AOPEP: variants seen among roughly 807,000 people sequenced by gnomAD.
AOPEP encodes the protein aminopeptidase O (putative), also known as aminopeptidase O.
A neutral mutation model predicts 98.1 loss-of-function variants in AOPEP; 77 were observed. That is an observed-to-expected ratio of 0.78 (90% CI 0.65 to 0.95). The LOEUF is 0.95. Ranked by LOEUF, AOPEP falls within the 40% of genes least tolerant of loss-of-function variation. AOPEP has a pLI of 0.00. For missense variants in AOPEP, 1,024 were observed against 1,024.7 expected, an observed-to-expected ratio of 1.00 and a Z score of 0.01; for synonymous variants, 346 against 365.3, an observed-to-expected ratio of 0.95 and a Z score of 0.60.
the AOPEP span, among the ~76,000 whole-genome samples, chr9:95,146,268 C>T: frequency 1.3e-5 from 2 of 151,948 alleles, no homozygotes; most frequent in African/African-American, 4.8e-5. Flanking sequence ...AGGCAGACTC[C>T]TTGAGCCCAG....
At chr9:94,796,248 A>G (rs768327347) in intron 4 of AOPEP, among the ~76,000 whole-genome samples, 9 of 151,274 alleles carry the variant, frequency 5.9e-5, no homozygotes, top group East Asian at 1.9e-4. Flanking sequence ...TCCATGTCCA[A>G]TAAACTGTGA....
intron 4 of AOPEP, among the ~76,000 whole-genome samples, chr9:94,795,335 G>A (rs1160113721): frequency 6.6e-6 from 1 of 152,032 alleles, no homozygotes. Flanking sequence ...TGACTGGAGT[G>A]TGTTGTGTTG....
chr9:94,737,287 T>C (rs1832000955), intron 1 of AOPEP, among the ~76,000 whole-genome samples: 1 of 152,222 alleles, frequency 6.6e-6, no homozygotes, highest in Non-Finnish European at 1.5e-5. Context: ...AAATTTTTCT[T>C]TTGTAGAGAT....
chr9:94,949,793 G>T (rs1429312873), intron 7 of AOPEP, among the ~76,000 whole-genome samples: 3 of 152,240 alleles, frequency 2.0e-5, no homozygotes, highest in African/African-American at 7.2e-5. Context: ...ACAGTGGATA[G>T]AGAATTCCTG....
At chr9:94,786,296 G>A (rs2133290479) in intron 3 of AOPEP, among the ~76,000 whole-genome samples, 1 of 152,352 alleles carries the variant, frequency 6.6e-6, no homozygotes, top group East Asian at 1.9e-4. Flanking sequence ...GGAAACTGAT[G>A]CATTAGAGAA....
the AOPEP span, among the ~76,000 whole-genome samples, chr9:95,131,695 C>T: frequency 3.3e-5 from 5 of 151,998 alleles, no homozygotes; most frequent in Non-Finnish European, 7.4e-5. Context: ...AAGGAAGTGC[C>T]GAAAAGACTG....
intron 5 of AOPEP, among the ~76,000 whole-genome samples, chr9:94,912,725 G>A (rs750513441): frequency 2.0e-5 from 3 of 152,214 alleles, no homozygotes; most frequent in South Asian, 2.1e-4. Context: ...GAAAGGGATC[G>A]TTGTTGCTGG....
intron 1 of AOPEP, among the ~76,000 whole-genome samples, chr9:94,753,908 T>A (rs958292672): frequency 6.6e-6 from 1 of 152,228 alleles, no homozygotes; most frequent in African/African-American, 2.4e-5. Flanking sequence ...TACTTGCATG[T>A]GTGCAGCTAG....
chr9:95,041,176 A>ACTT (rs2065257749), intron 13 of AOPEP, among the ~76,000 whole-genome samples: 1 of 152,208 alleles, frequency 6.6e-6, no homozygotes, highest in Admixed American at 6.5e-5. Context: ...TCAAACCAAA[A>ACTT]GGCTCTGTGC....
the AOPEP span, among the ~76,000 whole-genome samples, chr9:95,094,644 T>C: frequency 6.6e-6 from 1 of 152,232 alleles, no homozygotes; most frequent in Admixed American, 6.5e-5. Flanking sequence ...CTCCATACTG[T>C]GGCGTGCTCA....
At chr9:94,728,190 T>C (rs1377514276) in intron 1 of AOPEP, among the ~76,000 whole-genome samples, 2 of 151,150 alleles carry the variant, frequency 1.3e-5, no homozygotes, top group African/African-American at 4.9e-5. Flanking sequence ...ATTCCTGGAG[T>C]TAAAACACCT....
intron 3 of AOPEP, 175 bp downstream of exon 3, chr9:94,773,343 G>A (rs757121269): frequency 1.2e-5 from 6 of 518,664 alleles, no homozygotes; most frequent in Non-Finnish European, 1.4e-5. Flanking sequence ...GGGACACTTA[G>A]GAGCCTGGGC....
At chr9:95,090,325 CT>C (rs1411360159), downstream of AOPEP, among the ~76,000 whole-genome samples, 1 of 152,268 alleles carries the variant, frequency 6.6e-6, no homozygotes, top group Non-Finnish European at 1.5e-5. Context: ...GTCCTTCCCC[CT>C]GAGGCCGCAG....
In AOPEP at chr9:94,848,451, C is replaced by CAAA. The variant is rs35685082; in HGVS notation, c.1364+47469_1364+47471dup. On this transcript the variant is annotated intron_variant, in intron 5 of 16. Transcript: ENST00000375315. ...TGGGCGACGGAGCGAGACTCCGTCT[C>CAAA]AAAAAAAAAAAAAAAAAAAAAATTA... Among the ~76,000 whole-genome samples the CAAA allele has an allele frequency of 5.3e-3, 398 of 75,238 alleles. 9 individuals carry two copies. Among genetic ancestry groups the CAAA allele is most frequent in the African/African-American group, 0.022 (356 of 16,298 alleles). The allele number at this position is 75,238 out of a possible 152,430, so 49.4% of individuals were successfully genotyped here. A position where few individuals can be genotyped will look rare whatever the true frequency, so the allele number is the denominator to read the frequency against.
intron 1 of AOPEP, among the ~76,000 whole-genome samples, chr9:94,731,521 C>T (rs1430790265): frequency 5.3e-5 from 8 of 152,124 alleles, no homozygotes; most frequent in Middle Eastern, 6.8e-3. Context: ...CCACCGTGCC[C>T]GGCCCAACTT....
At position 95,063,139 on chromosome 9, in the gene AOPEP, TC is replaced by T. The variant is rs371610561; in HGVS notation, c.2232+2331del. On this transcript the variant is annotated intron_variant, in intron 14 of 16. Transcript: ENST00000375315. ...GCACGGAAAATGAGCCGAAGGGAAATCCGTTCCACAGAAGCACCTTGTCTTT... is the reference window on the plus strand; with the variant it reads ...GCACGGAAAATGAGCCGAAGGGAAATCGTTCCACAGAAGCACCTTGTCTTT... Among the ~76,000 whole-genome samples the T allele has an allele frequency of 4.9e-4, 74 of 152,286 alleles. 2 individuals are homozygous for T. The South Asian group carries it at 0.014, about 30-fold the overall frequency.
the AOPEP span, chr9:95,101,769 C>T: frequency 6.2e-7 from 1 of 1,614,150 alleles, no homozygotes; most frequent in African/African-American, 1.3e-5. Flanking sequence ...CTAGGGCTTT[C>T]AATGCCAAGA....
intron 11 of AOPEP, chr9:95,004,900 C>T (rs1300191714): frequency 6.8e-6 from 1 of 146,344 alleles, no homozygotes; most frequent in East Asian, 2.0e-4. Flanking sequence ...GGCCGCTATA[C>T]CTTTAAGGCA....
At chr9:94,764,424 A>T (rs1312411250) in intron 2 of AOPEP, among the ~76,000 whole-genome samples, 1 of 152,182 alleles carries the variant, frequency 6.6e-6, no homozygotes, top group Admixed American at 6.5e-5. Context: ...AGGTGGGCAG[A>T]TCACTTGAGG....
Sources: gnomAD v4.1 joint callset for allele counts (sites outside exome capture counted in the v4.1 genomes callset) on GRCh38, gnomAD v4.1.1 for gene constraint, MANE v1.5 for transcripts, NCBI Gene and HGNC (gene_info 2026-07-23, HGNC 2026-07-21) for gene names.